The following AKAP8L variants were observed in gnomAD, a reference collection of about 807,000 sequenced individuals.
AKAP8L encodes A-kinase anchor protein 8-like.
AKAP8L carries 34 observed loss-of-function variants against 77.5 expected under a neutral mutation model. That is an observed-to-expected ratio of 0.44 (90% confidence interval 0.33 to 0.58). The LOEUF (loss-of-function observed/expected upper bound fraction) is 0.58. Among genes scored for constraint, AKAP8L ranks in the 20% least tolerant of loss-of-function variants. The pLI is 0.02. For synonymous variants in AKAP8L, 342 were observed against 340.7 expected, an observed-to-expected ratio of 1.00 and a Z score of -0.04; for missense variants, 806 against 887.6, an observed-to-expected ratio of 0.91 and a Z score of 1.17.
Position 15,400,306 on chromosome 19 carries a change from T to C in AKAP8L, c.1037A>G (p.Asp346Gly). ...KEDGREEGKE[D>G]PEKGALTTQD... ...CCAGGAAAACTCACCCTTCTCTGGA[T>C]CCTCTTTGCCTTCTTCTCTCCCATC... The change falls in exon 8 of 14, where the codon GAT becomes GGT. Residue 346 changes from aspartate (D) to glycine (G), a missense_variant. By Grantham distance (94) the Asp-to-Gly change is moderately conservative. This residue lies in a region of AKAP8L where 580 missense variants were observed against 694.1 expected (regional missense o/e 0.84). Transcript: ENST00000397410. 2.5e-6 allele frequency: 4 copies of C among 1,613,448 alleles called. No individual in the cohort carries two copies. Among genetic ancestry groups the C allele is most frequent in the Non-Finnish European group, 3.4e-6 (4 of 1,179,834 alleles).
Position 15,398,073 on chromosome 19 carries a change from G to A in AKAP8L, c.1158-218C>T. The A allele has an allele frequency of 1.8e-6, 1 of 567,952 alleles. No homozygotes were observed. Among genetic ancestry groups the A allele is most frequent in the African/African-American group, 1.9e-5 (1 of 53,476 alleles). 35.2% of individuals were successfully genotyped at this position (567,952 alleles called of 1,614,324 possible). A position where few individuals can be genotyped will look rare whatever the true frequency, so the allele number is the denominator to read the frequency against. ...TTACTGCAACGTAGGGGACAGGGGAGGAGCTCTTCCTTCCCACAGGCAGGA... is the reference window on the plus strand; with the variant it reads ...TTACTGCAACGTAGGGGACAGGGGAAGAGCTCTTCCTTCCCACAGGCAGGA... On this transcript the variant is annotated intron_variant, in intron 9 of 13. Coordinates refer to ENST00000397410, the MANE Select transcript of AKAP8L (RefSeq NM_014371.4). This position sits in a 1 kb window ranked among gnomAD's most constrained non-coding sequence, Gnocchi z 9.2.
rs763049501 is a variant in AKAP8L at position 15,418,985 on chromosome 19, C to T, written c.-62G>A. 59 of 1,600,340 alleles carry T rather than the reference C, an allele frequency of 3.7e-5. No homozygotes were observed. In the Admixed American group the frequency reaches 4.4e-4, roughly 12 times the overall value. ...CTGCTGCTCTGAACATCCGACGCTG[C>T]GATAGCTGCTGCTAACCACAGGGTC... is the stretch of plus-strand genomic sequence containing the variant. On this transcript the variant is annotated 5_prime_UTR_variant, in exon 1 of 14. Coordinates refer to ENST00000397410, the MANE Select transcript of AKAP8L (RefSeq NM_014371.4).
At chr19:15,387,405 G>C (rs1967561661) in intron 12 of AKAP8L, among the ~76,000 whole-genome samples, 1 of 152,114 alleles carries the variant, frequency 6.6e-6, no homozygotes, top group Non-Finnish European at 1.5e-5. Context: ...AAAAACAATG[G>C]AGACTAGGGA....
intron 12 of AKAP8L, among the ~76,000 whole-genome samples, chr19:15,387,496 C>CT (rs796143582): frequency 7.4e-5 from 11 of 148,130 alleles, no homozygotes; most frequent in African/African-American, 2.0e-4. Context: ...TAGCTTTGTC[C>CT]TTTTTTTTTT....
chr19:15,388,999 G>C (rs1193579503), intron 12 of AKAP8L, among the ~76,000 whole-genome samples: 1 of 149,456 alleles, frequency 6.7e-6, no homozygotes, highest in African/African-American at 2.5e-5. Flanking sequence ...CGGATCACAA[G>C]GTCAAGAGAT....
Position 15,401,161 on chromosome 19 carries a change from C to T in AKAP8L, c.805G>A (p.Ala269Thr), listed in dbSNP as rs1488073905. ...MRRTWKTWTT[A>T]DFRTKKKKRK... ...CTGCCTCCACTCACTCGGAAGTCGG[C>T]TGTGGTCCAGGTCTTCCAGGTCCGC... The change falls in exon 5 of 14, where the codon GCC becomes ACC. Residue 269 changes from alanine (A) to threonine (T), a missense_variant. By Grantham distance (58) the Ala-to-Thr change is moderately conservative. Coordinates refer to ENST00000397410, the MANE Select transcript of AKAP8L (RefSeq NM_014371.4). The surrounding 1 kb of genome is among the most constrained non-coding windows in gnomAD (Gnocchi z 6.2). The T allele has an allele frequency of 4.4e-6, 7 of 1,606,206 alleles. No individual in the cohort carries two copies. In the South Asian group the frequency reaches 7.7e-5, roughly 18 times the overall value.
intron 2 of AKAP8L, among the ~76,000 whole-genome samples, chr19:15,409,395 G>A (rs1968065215): frequency 6.6e-6 from 1 of 152,204 alleles, no homozygotes; most frequent in Non-Finnish European, 1.5e-5. Flanking sequence ...CCTCATTTAT[G>A]AGACACCTGA....
Position 15,397,561 on chromosome 19 carries a change from C to G in AKAP8L, c.1364G>C (p.Gly455Ala). Reference sequence around the variant, plus strand: ...GTCTCTGTAGATTTGCTGGATGAGGCCATCAAGGTCCTCCACGGTTTTTCG... The same window carrying G: ...GTCTCTGTAGATTTGCTGGATGAGGGCATCAAGGTCCTCCACGGTTTTTCG... ...ELRKTVEDLDGLIQQIYRDQD... is the reference protein window; with the variant it reads ...ELRKTVEDLDALIQQIYRDQD... The change falls in exon 11 of 14, where the codon GGC becomes GCC. Residue 455 changes from glycine (G) to alanine (A), a missense_variant. Physicochemically the swap from Gly to Ala is moderately conservative, Grantham distance 60. Transcript: ENST00000397410. The surrounding 1 kb of genome is among the most constrained non-coding windows in gnomAD (Gnocchi z 4.7). 1 of 1,613,814 alleles carries G rather than the reference C, an allele frequency of 6.2e-7. No individual in the cohort carries two copies. Among genetic ancestry groups the G allele is most frequent in the Non-Finnish European group, 8.5e-7 (1 of 1,179,874 alleles).
rs1234621723 is a variant in AKAP8L, at chr19:15,380,246, G to A, written c.1817C>T (p.Pro606Leu). 3 of 1,496,280 alleles carry A rather than the reference G, an allele frequency of 2.0e-6. No homozygotes were observed. Among genetic ancestry groups the A allele is most frequent in the East Asian group, 2.7e-5 (1 of 37,384 alleles). 92.7% of individuals were successfully genotyped at this position (1,496,280 alleles called of 1,614,324 possible). The stretch of plus-strand genomic sequence containing the variant: ...GCCCTCCTCCTCCTCCTCTGGGGGC[G>A]GCGGCGGTGGCGGCGACACGGCCCC... ...APGAVSPPPP[P>L]PPEEEEEGAV... Residue 606 changes from proline to leucine, a missense_variant, in exon 14 of 14, where the codon CCG becomes CTG. Physicochemically the swap from Pro to Leu is moderately conservative, Grantham distance 98. This residue lies in a region of AKAP8L where 226 missense variants were observed against 193.5 expected (regional missense o/e 1.17). Transcript: ENST00000397410.
Position 15,397,925 on chromosome 19 carries a change from A to G in AKAP8L, c.1158-70T>C. 1.3e-6 allele frequency: 2 copies of G among 1,556,532 alleles called. No homozygotes were observed. Among genetic ancestry groups the G allele is most frequent in the South Asian group, 1.2e-5 (1 of 85,448 alleles). ...GGGGATAGTGCTGCCGCCTCACCCA[A>G]CCCAGACACAAGCCCTGAAACAGGC... On this transcript the variant is annotated intron_variant, in intron 9 of 13. Transcript: ENST00000397410. The surrounding 1 kb of genome is among the most constrained non-coding windows in gnomAD (Gnocchi z 4.7).
Position 15,418,980 on chromosome 19 carries a change from C to A in AKAP8L, c.-57G>T. 1 of 1,601,690 alleles carries A rather than the reference C, an allele frequency of 6.2e-7. No homozygotes were observed. Among genetic ancestry groups the A allele is most frequent in the Non-Finnish European group, 8.5e-7 (1 of 1,178,584 alleles). On this transcript the variant is annotated 5_prime_UTR_variant, in exon 1 of 14. Transcript: ENST00000397410. ...GGCTTCTGCTGCTCTGAACATCCGACGCTGCGATAGCTGCTGCTAACCACA... is the reference window on the plus strand; with the variant it reads ...GGCTTCTGCTGCTCTGAACATCCGAAGCTGCGATAGCTGCTGCTAACCACA...
In AKAP8L at chr19:15,380,244, G is replaced by A. The variant is rs1312219106; in HGVS notation, c.1819C>T (p.Pro607Ser). 2.7e-6 allele frequency: 4 copies of A among 1,498,880 alleles called. No individual in the cohort carries two copies. The highest frequency in any genetic ancestry group is 1.3e-5 in the South Asian group (1 of 79,522). The allele number at this position is 1,498,880 out of a possible 1,614,324, so 92.8% of individuals were successfully genotyped here. Residue 607 changes from proline to serine, a missense_variant, in exon 14 of 14, where the codon CCC becomes TCC. Physicochemically the swap from Pro to Ser is moderately conservative, Grantham distance 74. Around this residue, in one of 2 missense-constraint regions of AKAP8L, gnomAD observed 226 missense variants for 193.5 expected, o/e 1.17. Coordinates refer to ENST00000397410, the MANE Select transcript of AKAP8L (RefSeq NM_014371.4). Reference sequence around the variant, plus strand: ...GCGCCCTCCTCCTCCTCCTCTGGGGGCGGCGGCGGTGGCGGCGACACGGCC... The same window carrying A: ...GCGCCCTCCTCCTCCTCCTCTGGGGACGGCGGCGGTGGCGGCGACACGGCC... ...PGAVSPPPPP[P>S]PEEEEEGAVP... is the part of the protein sequence containing the mutation.
chr19:15,406,588 T>TC (rs1968006213), intron 2 of AKAP8L, among the ~76,000 whole-genome samples: 1 of 152,002 alleles, frequency 6.6e-6, no homozygotes, highest in Admixed American at 6.6e-5. Context: ...TGCCTCAGCC[T>TC]CCGGAGTGGC....
At chr19:15,405,866 G>A (rs527723259) in intron 2 of AKAP8L, among the ~76,000 whole-genome samples, 4 of 151,912 alleles carry the variant, frequency 2.6e-5, no homozygotes, top group East Asian at 3.9e-4. Context: ...AGGTTGCAGC[G>A]AGCCAAGATT....
intron 2 of AKAP8L, among the ~76,000 whole-genome samples, chr19:15,410,066 C>T (rs949868431): frequency 3.9e-5 from 6 of 152,128 alleles, no homozygotes; most frequent in African/African-American, 1.4e-4. Context: ...CCTCAGCCTC[C>T]TGAGTAGCTG....
At chr19:15,392,012 T>G (rs1005400229) in intron 12 of AKAP8L, among the ~76,000 whole-genome samples, 1 of 152,194 alleles carries the variant, frequency 6.6e-6, no homozygotes, top group African/African-American at 2.4e-5. Flanking sequence ...ACTTGTTTCT[T>G]TTATACAGAC....
intron 12 of AKAP8L, among the ~76,000 whole-genome samples, chr19:15,393,648 C>T (rs893688859): frequency 2.0e-5 from 3 of 151,966 alleles, no homozygotes; most frequent in African/African-American, 4.8e-5. Flanking sequence ...ATGCCGGGCG[C>T]GGTGGCTCAT....
chr19:15,410,085 G>A (rs1007164622), intron 2 of AKAP8L, among the ~76,000 whole-genome samples: 32 of 152,192 alleles, frequency 2.1e-4, no homozygotes, highest in Admixed American at 5.9e-4. Flanking sequence ...TGCGACCACA[G>A]GCACACACCA....
rs1472407952 is a variant in AKAP8L, at chr19:15,399,000, C to T, written c.1157+302G>A. 1 of 420,302 alleles carries T rather than the reference C, an allele frequency of 2.4e-6. No individual in the cohort carries two copies. Among genetic ancestry groups the T allele is most frequent in the Admixed American group, 3.7e-5 (1 of 27,354 alleles). 26.0% of individuals were successfully genotyped at this position (420,302 alleles called of 1,614,324 possible). A position where few individuals can be genotyped will look rare whatever the true frequency, so the allele number is the denominator to read the frequency against. On this transcript the variant is annotated intron_variant, in intron 9 of 13. Coordinates refer to ENST00000397410, the MANE Select transcript of AKAP8L (RefSeq NM_014371.4). The surrounding 1 kb of genome is among the most constrained non-coding windows in gnomAD (Gnocchi z 9.2). ...CCCCTCCCTCAGGGGCATCAGGCCCCCAGTGCACCTTGGGGTTCGTGCGCC... is the reference window on the plus strand; with the variant it reads ...CCCCTCCCTCAGGGGCATCAGGCCCTCAGTGCACCTTGGGGTTCGTGCGCC...
Sources: gnomAD v4.1 joint callset for allele counts (sites outside exome capture counted in the v4.1 genomes callset) on GRCh38, gnomAD v4.1.1 for gene constraint, gnomAD v4.1.1 regional missense constraint, Gnocchi (gnomAD v3.1) non-coding constraint, MANE v1.5 for transcripts, NCBI Gene and HGNC (gene_info 2026-07-23, HGNC 2026-07-21) for gene names.